Variants in ECE1 observed in about 807,000 individuals in gnomAD.
ECE1 encodes the protein endothelin converting enzyme 1, also known as endothelin-converting enzyme 1.
In ECE1, 35 loss-of-function variants were observed where a neutral mutation model predicts 98.6. That is an observed-to-expected ratio of 0.35 (90% confidence interval 0.27 to 0.47). ECE1 has a LOEUF of 0.47. Among genes scored for constraint, ECE1 ranks in the 20% least tolerant of loss-of-function variants. The probability of loss-of-function intolerance (pLI) is 1.00; values close to 1 mark genes in which losing one functional copy is unlikely to be tolerated. For missense variants in ECE1, 814 were observed against 1,025.3 expected (o/e 0.79, Z 2.81); for synonymous variants, 394 against 407.1 (o/e 0.97, Z 0.39).
chr1:21,235,893 T>G lies in ECE1; in HGVS notation c.1523A>C (p.Asn508Thr). ...DAIYNMIGYP[N>T]FIMDPKELDK... ...CAGCTCCTTGGGATCCATGATGAAG[T>G]TGGGGTATCCTATCATGTTGTAGAT... The change falls in exon 13 of 19, where the codon AAC becomes ACC. Residue 508 changes from asparagine to threonine, a missense_variant. Physicochemically the swap from Asn to Thr is moderately conservative, Grantham distance 65. Around this residue, in one of 3 missense-constraint regions of ECE1, gnomAD observed 452 missense variants for 567.3 expected, o/e 0.80. Coordinates refer to ENST00000374893, the MANE Select transcript of ECE1 (RefSeq NM_001397.3). This position sits in a 1 kb window ranked among gnomAD's most constrained non-coding sequence, Gnocchi z 4.2. The G allele has an allele frequency of 6.2e-7, 1 of 1,614,176 alleles. No homozygotes were observed. Among genetic ancestry groups the G allele is most frequent in the Non-Finnish European group, 8.5e-7 (1 of 1,180,042 alleles).
At chr1:21,313,887 C>T (rs554755468) in intron 1 of ECE1, among the ~76,000 whole-genome samples, 10 of 151,676 alleles carry the variant, frequency 6.6e-5, no homozygotes, top group East Asian at 1.9e-4. Context: ...AGGAATGTCC[C>T]GGCTCACGGA....
At chr1:21,332,882 C>T (rs1639232165) in intron 1 of ECE1, among the ~76,000 whole-genome samples, 2 of 151,744 alleles carry the variant, frequency 1.3e-5, no homozygotes, top group Non-Finnish European at 2.9e-5. Flanking sequence ...TTTCTAAGAA[C>T]AGCTATGGAA....
chr1:21,323,842 TAGTTTCACTCCATTGCCCAGGCTGG>T (rs1639016493), intron 1 of ECE1, among the ~76,000 whole-genome samples: 1 of 144,200 alleles, frequency 6.9e-6, no homozygotes, highest in Admixed American at 7.0e-5. Context: ...TTTTGAGACA[TAGTTTCACTCCATTGCCCAGGCTGG>T]AGTGCAATGG....
chr1:21,247,828 G>A (rs541278204), intron 8 of ECE1, among the ~76,000 whole-genome samples: 1 of 152,282 alleles, frequency 6.6e-6, no homozygotes, highest in South Asian at 2.1e-4. Flanking sequence ...TCTCTTCCTT[G>A]CTAGCTGTGT....
chr1:21,247,344 T>C lies in ECE1; in HGVS notation c.1040A>G (p.Asn347Ser). 2.5e-6 allele frequency: 4 copies of C among 1,614,230 alleles called. No individual in the cohort carries two copies. Among genetic ancestry groups the C allele is most frequent in the South Asian group, 1.1e-5 (1 of 91,084 alleles). The change falls in exon 9 of 19, where the codon AAC (asparagine) becomes AGC (serine). Residue 347 changes from asparagine to serine, a missense_variant. Physicochemically the swap from Asn to Ser is conservative, Grantham distance 46. This residue lies in a region of ECE1 where 452 missense variants were observed against 567.3 expected (regional missense o/e 0.80). Transcript: ENST00000374893. ...AELQTLAPAINWLPFLNTIFY... is the reference protein window; with the variant it reads ...AELQTLAPAISWLPFLNTIFY... Reference sequence around the variant, plus strand: ...GATGGTGTTGAGAAAAGGCAACCAGTTGATGGCGGGTGCCAAGGTCTGCAA... The same window carrying C: ...GATGGTGTTGAGAAAAGGCAACCAGCTGATGGCGGGTGCCAAGGTCTGCAA...
At chr1:21,272,056 C>T (rs986644725) in intron 4 of ECE1, among the ~76,000 whole-genome samples, 1 of 152,142 alleles carries the variant, frequency 6.6e-6, no homozygotes, top group African/African-American at 2.4e-5. Context: ...GTAACGACCA[C>T]AGCCACCAGT....
chr1:21,253,381 A>G (rs2098215271), intron 8 of ECE1, among the ~76,000 whole-genome samples: 1 of 152,052 alleles, frequency 6.6e-6, no homozygotes, highest in Admixed American at 6.6e-5. Flanking sequence ...TGTCAGACAT[A>G]ATTTTAAAAA....
At chr1:21,302,464 T>C (rs1340922692) in intron 1 of ECE1, among the ~76,000 whole-genome samples, 1 of 152,210 alleles carries the variant, frequency 6.6e-6, no homozygotes, top group Non-Finnish European at 1.5e-5. Flanking sequence ...AGGATCAAAT[T>C]AGGAAAATCC....
At chr1:21,342,469 G>A (rs1558441198) in intron 1 of ECE1, among the ~76,000 whole-genome samples, 2 of 152,080 alleles carry the variant, frequency 1.3e-5, no homozygotes, top group Admixed American at 6.6e-5. Context: ...AGGGGGAGAC[G>A]GTCCATCCGA....
At chr1:21,295,720 T>C (rs958766267) in intron 1 of ECE1, among the ~76,000 whole-genome samples, 2 of 152,250 alleles carry the variant, frequency 1.3e-5, no homozygotes, top group Non-Finnish European at 2.9e-5. Context: ...ATTCTGATTT[T>C]CCATTTGGTA....
At chr1:21,289,026 C>A (rs923109145) in intron 2 of ECE1, among the ~76,000 whole-genome samples, 2 of 152,158 alleles carry the variant, frequency 1.3e-5, no homozygotes, top group Non-Finnish European at 2.9e-5. Flanking sequence ...TGTCTCCCTG[C>A]GCTGGGAGGA....
chr1:21,264,314 C>CA (rs1411168817), intron 4 of ECE1, among the ~76,000 whole-genome samples: 3 of 76,812 alleles, frequency 3.9e-5, no homozygotes, highest in South Asian at 5.8e-4. Context: ...CCAATTCCCC[C>CA]CCCCCCTTTT....
chr1:21,225,249 C>T lies in ECE1; in HGVS notation c.2040+1G>A, dbSNP rs1162224968. 1 of 1,614,016 alleles carries T rather than the reference C, an allele frequency of 6.2e-7. No homozygotes were observed. Among genetic ancestry groups the T allele is most frequent in the Admixed American group, 1.7e-5 (1 of 60,024 alleles). Reference sequence around the variant, plus strand: ...GCGCGTGTGGGGAGCGGGGCTCTCACCCGATAGGCCGCCTTGAGACCCCCG... The same window carrying T: ...GCGCGTGTGGGGAGCGGGGCTCTCATCCGATAGGCCGCCTTGAGACCCCCG... On this transcript the variant is annotated splice_donor_variant, in intron 17 of 18. Transcript: ENST00000374893. LOFTEE classifies it high-confidence loss of function. The surrounding 1 kb of genome is among the most constrained non-coding windows in gnomAD (Gnocchi z 5.3).
intron 12 of ECE1, 65 bp downstream of exon 12, chr1:21,236,681 C>A (rs1281907511): frequency 1.1e-5 from 16 of 1,484,894 alleles, no homozygotes; most frequent in Non-Finnish European, 1.4e-5. Flanking sequence ...GCCTCTCCTT[C>A]CCCCACCCTC....
At chr1:21,328,183 G>T (rs541517885) in intron 1 of ECE1, among the ~76,000 whole-genome samples, 1 of 152,274 alleles carries the variant, frequency 6.6e-6, no homozygotes, top group Admixed American at 6.5e-5. Context: ...CCATTTATTT[G>T]CCTGGTTAAC....
chr1:21,293,482 G>GGCGGGAGGC (rs1638262310), upstream of ECE1: 3 of 152,200 alleles, frequency 2.0e-5, 1 homozygote, highest in Non-Finnish European at 4.4e-5. Flanking sequence ...TTTGAGCAAA[G>GGCGGGAGGC]GCGGGAGGCA....
In ECE1 at chr1:21,340,658, G is replaced by T. The variant is rs1558440466; in HGVS notation, c.3+4718C>A. Among the ~76,000 whole-genome samples the T allele has an allele frequency of 6.6e-6, 1 of 152,028 alleles. No homozygotes were observed. The highest frequency in any genetic ancestry group is 1.5e-5 in the Non-Finnish European group (1 of 68,004). On this transcript the variant is annotated intron_variant, in intron 1 of 18. Coordinates refer to the ECE1 transcript ENST00000415912. This position sits in a 1 kb window ranked among gnomAD's most constrained non-coding sequence, Gnocchi z 4.6. ...GTCCAAGACCAGCCTGGGCAACATG[G>T]CGAAACCCGGTGTCTACTAAAAAAA...
chr1:21,289,993 C>CGGGGGGGGGGGGGGGGGGGG, intron 2 of ECE1, 77 bp downstream of exon 2: 3 of 897,826 alleles, frequency 3.3e-6, no homozygotes, highest in Non-Finnish European at 2.7e-6. Context: ...TAGGTAGGGG[C>CGGGGGGGGGGGGGGGGGGGG]GGGGGGCGCG....
At chr1:21,253,785 C>T (rs2098216074) in intron 8 of ECE1, among the ~76,000 whole-genome samples, 1 of 148,932 alleles carries the variant, frequency 6.7e-6, no homozygotes, top group Non-Finnish European at 1.5e-5. Flanking sequence ...AAAAAAGAAC[C>T]ACAGGCCAGG....
Sources: gnomAD v4.1 joint callset for allele counts (sites outside exome capture counted in the v4.1 genomes callset) on GRCh38, gnomAD v4.1.1 for gene constraint, gnomAD v4.1.1 regional missense constraint, Gnocchi (gnomAD v3.1) non-coding constraint, MANE v1.5 for transcripts, NCBI Gene and HGNC (gene_info 2026-07-23, HGNC 2026-07-21) for gene names.